The following TENM4 variants were observed in gnomAD, a reference collection of about 807,000 sequenced individuals.
The protein encoded by TENM4 is teneurin-4.
TENM4 carries 82 observed loss-of-function variants against 243.3 expected under a neutral mutation model. The ratio of observed to expected loss-of-function variants is 0.34; its 90% CI spans 0.28 to 0.40. The LOEUF (loss-of-function observed/expected upper bound fraction) is 0.40. TENM4 is among the 10% of genes least tolerant of loss of function. The probability of loss-of-function intolerance (pLI) is 1.00; values close to 1 mark genes in which losing one functional copy is unlikely to be tolerated. For missense variants in TENM4, 3,138 were observed against 3,673.3 expected, an observed-to-expected ratio of 0.85 and a Z score of 3.77; for synonymous variants, 1,412 against 1,456.3, an observed-to-expected ratio of 0.97 and a Z score of 0.69.
intron 3 of TENM4, among the ~76,000 whole-genome samples, chr11:79,166,274 G>C (rs11237745): frequency 0.36 from 54,298 of 150,304 alleles, 9,919 homozygotes; most frequent in East Asian, 0.44. Flanking sequence ...AAAGATGAAG[G>C]TATTTCGTCT....
At chr11:79,113,892 T>C (rs1043190196) in intron 4 of TENM4, among the ~76,000 whole-genome samples, 1 of 152,186 alleles carries the variant, frequency 6.6e-6, no homozygotes, top group Admixed American at 6.5e-5. Context: ...ATGCTTGTTG[T>C]TGCCTGCACA....
intron 4 of TENM4, among the ~76,000 whole-genome samples, chr11:79,085,383 A>AT (rs1278028139): frequency 1.5e-5 from 1 of 68,856 alleles, no homozygotes; most frequent in African/African-American, 5.0e-5. Flanking sequence ...TCTCAAAAAA[A>AT]AAAAAGGGGG....
chr11:79,418,747 G>A (rs2083079392), intron 1 of TENM4, among the ~76,000 whole-genome samples: 1 of 152,190 alleles, frequency 6.6e-6, no homozygotes. Flanking sequence ...GCTCTTGTAT[G>A]TCCCCTGTAC....
intron 2 of TENM4, among the ~76,000 whole-genome samples, chr11:79,272,893 T>A (rs1348741614): frequency 2.6e-5 from 4 of 152,176 alleles, no homozygotes; most frequent in African/African-American, 9.7e-5. Flanking sequence ...CTCCAATGCC[T>A]AGGATGTACC....
intron 14 of TENM4, among the ~76,000 whole-genome samples, chr11:78,806,462 AG>A (rs1278008635): frequency 2.6e-5 from 4 of 152,218 alleles, no homozygotes; most frequent in African/African-American, 9.7e-5. Flanking sequence ...CAAGGGTCAA[AG>A]TGGTCTCAGG....
At chr11:79,138,184 C>A (rs529033463) in intron 4 of TENM4, among the ~76,000 whole-genome samples, 2 of 150,192 alleles carry the variant, frequency 1.3e-5, no homozygotes, top group Non-Finnish European at 2.9e-5. Flanking sequence ...ATGCTTCCTG[C>A]CCTCAAATAT....
At chr11:79,276,927 C>G (rs1856066987) in intron 2 of TENM4, among the ~76,000 whole-genome samples, 1 of 152,148 alleles carries the variant, frequency 6.6e-6, no homozygotes. Flanking sequence ...CTTCTGCTGC[C>G]TCAGGAAAGG....
chr11:79,089,311 A>G (rs904271237), intron 4 of TENM4, among the ~76,000 whole-genome samples: 5 of 152,224 alleles, frequency 3.3e-5, no homozygotes, highest in African/African-American at 1.2e-4. Context: ...GACCTTCCCA[A>G]GTTGTGCCTG....
chr11:79,028,556 C>A (rs974548597), intron 6 of TENM4, among the ~76,000 whole-genome samples: 2 of 152,226 alleles, frequency 1.3e-5, no homozygotes, highest in African/African-American at 4.8e-5. Flanking sequence ...TTGTAATCCT[C>A]ACTCCTACTC....
chr11:78,775,687 C>T (rs1028392202), intron 17 of TENM4, among the ~76,000 whole-genome samples: 48 of 152,110 alleles, frequency 3.2e-4, no homozygotes, highest in African/African-American at 1.0e-3. Context: ...AGGCTAGTTC[C>T]GCAAACCCTG....
chr11:78,756,625 G>A (rs926637812), intron 19 of TENM4, 180 bp downstream of exon 19: 3 of 627,288 alleles, frequency 4.8e-6, no homozygotes, highest in African/African-American at 1.8e-5. Context: ...TCCTTGGAGA[G>A]TAGTTTTATA....
intron 1 of TENM4, among the ~76,000 whole-genome samples, chr11:79,361,224 G>C (rs1392469138): frequency 6.6e-6 from 1 of 152,202 alleles, no homozygotes. Flanking sequence ...ATCATCCCCC[G>C]ATCTCTGGTG....
intron 4 of TENM4, among the ~76,000 whole-genome samples, chr11:79,143,041 G>C (rs981339547): frequency 3.9e-5 from 6 of 152,114 alleles, no homozygotes; most frequent in Admixed American, 6.6e-5. Flanking sequence ...TGCTGGAGAG[G>C]ATGTGGAGAA....
chr11:79,117,161 A>G (rs1258631726), intron 4 of TENM4, among the ~76,000 whole-genome samples: 4 of 152,114 alleles, frequency 2.6e-5, no homozygotes, highest in Non-Finnish European at 5.9e-5. Flanking sequence ...TAAACGCCTA[A>G]CCCTGATGTT....
Position 79,130,577 on chromosome 11 carries a change from A to G in TENM4, c.-66+18133T>C, listed in dbSNP as rs141876644. On this transcript the variant is annotated intron_variant, in intron 4 of 33. Transcript: ENST00000278550. Reference sequence around the variant, plus strand: ...AGTGGCTCATGCCTGTAATCCCAGCACTTTGGGAGGCCAAGGCGGGTGGAT... The same window carrying G: ...AGTGGCTCATGCCTGTAATCCCAGCGCTTTGGGAGGCCAAGGCGGGTGGAT... 8.7e-3 allele frequency among the ~76,000 whole-genome samples: 1,329 copies of G among 152,320 alleles called. 9 individuals carry two copies. The highest frequency in any genetic ancestry group is 0.012 in the Non-Finnish European group (819 of 68,020).
chr11:78,863,802 C>A (rs888354540), intron 9 of TENM4, among the ~76,000 whole-genome samples: 1 of 152,216 alleles, frequency 6.6e-6, no homozygotes, highest in Non-Finnish European at 1.5e-5. Context: ...AATACACATA[C>A]CCTTTATCCT....
At chr11:79,068,139 A>G (rs903335297) in intron 5 of TENM4, 4 of 152,218 alleles carry the variant, frequency 2.6e-5, no homozygotes, top group Non-Finnish European at 1.5e-5. Flanking sequence ...GCTTTCAGAG[A>G]CCATTTTGTC....
At chr11:79,283,077 A>G (rs1271903371) in intron 2 of TENM4, among the ~76,000 whole-genome samples, 6 of 152,092 alleles carry the variant, frequency 3.9e-5, no homozygotes, top group Non-Finnish European at 8.8e-5. Context: ...AAGTTTTCCA[A>G]AATACAGTCA....
chr11:78,747,289 A>G (rs1856072201), intron 19 of TENM4, among the ~76,000 whole-genome samples: 1 of 152,190 alleles, frequency 6.6e-6, no homozygotes, highest in Admixed American at 6.5e-5. Context: ...GGAGCCTGTC[A>G]AAAGAGGGCA....
Sources: gnomAD v4.1 joint callset for allele counts (sites outside exome capture counted in the v4.1 genomes callset) on GRCh38, gnomAD v4.1.1 for gene constraint, MANE v1.5 for transcripts, NCBI Gene and HGNC (gene_info 2026-07-23, HGNC 2026-07-21) for gene names.